FRMPD4: variants seen among roughly 807,000 people sequenced by gnomAD.
FRMPD4 encodes the protein FERM and PDZ domain containing 4.
Under a neutral mutation model 94.1 loss-of-function variants are expected in FRMPD4, and 22 were observed. The ratio of observed to expected loss-of-function variants is 0.23; its 90% CI spans 0.17 to 0.33. FRMPD4 has a LOEUF of 0.33. FRMPD4 is among the 10% of genes least tolerant of loss of function. FRMPD4 has a pLI of 1.00. For missense variants in FRMPD4, 1,111 were observed against 1,339.9 expected (o/e 0.83, Z 2.67); for synonymous variants, 631 against 548.6 (o/e 1.15, Z -2.10).
chrX:12,526,682 C>T (rs2058227088), intron 2 of FRMPD4, among the ~76,000 whole-genome samples: 1 of 112,257 alleles, frequency 8.9e-6, no homozygotes, highest in East Asian at 2.8e-4. Context: ...TTAAAAGTGC[C>T]TTTGACAGCA....
intron 3 of FRMPD4, among the ~76,000 whole-genome samples, chrX:11,960,246 T>C (rs1398938375): frequency 1.8e-5 from 2 of 112,053 alleles, no homozygotes; most frequent in African/African-American, 6.5e-5. Context: ...TTCCAGCTTG[T>C]GTGTATGTGT....
intron 3 of FRMPD4, among the ~76,000 whole-genome samples, chrX:12,075,915 C>T (rs1398373753): frequency 8.9e-6 from 1 of 112,012 alleles, no homozygotes; most frequent in African/African-American, 3.2e-5. Context: ...ATGTTTTAAC[C>T]CCCACTTCTG....
chrX:12,442,514 C>G (rs2057149284), intron 1 of FRMPD4, among the ~76,000 whole-genome samples: 1 of 111,726 alleles, frequency 9.0e-6, no homozygotes, highest in African/African-American at 3.2e-5. Context: ...CAAAATGCAA[C>G]CAAAACCATA....
intron 1 of FRMPD4, among the ~76,000 whole-genome samples, chrX:12,380,035 A>G (rs938269959): frequency 1.9e-4 from 21 of 111,641 alleles, no homozygotes; most frequent in African/African-American, 6.5e-4. Context: ...TTAGCTTCTA[A>G]TGGATTCCAC....
At chrX:11,924,590 T>G (rs371947922) in intron 3 of FRMPD4, among the ~76,000 whole-genome samples, 29 of 112,207 alleles carry the variant, frequency 2.6e-4, no homozygotes, top group African/African-American at 9.4e-4. Context: ...CAGGAGAGAT[T>G]GTGGGCAAAT....
intron 4 of FRMPD4, among the ~76,000 whole-genome samples, chrX:12,617,910 G>A (rs2059250390): frequency 9.1e-6 from 1 of 110,411 alleles, no homozygotes; most frequent in South Asian, 3.9e-4. Context: ...TTTTTTTCTT[G>A]AGAAAATGAA....
At chrX:12,532,997 C>T (rs908528869) in intron 2 of FRMPD4, among the ~76,000 whole-genome samples, 1 of 111,814 alleles carries the variant, frequency 8.9e-6, no homozygotes, top group Non-Finnish European at 1.9e-5. Context: ...CATTTACAAA[C>T]GTTGTTCTTA....
intron 2 of FRMPD4, among the ~76,000 whole-genome samples, chrX:12,516,445 C>T (rs1218346697): frequency 8.9e-6 from 1 of 112,000 alleles, no homozygotes; most frequent in Non-Finnish European, 1.9e-5. Flanking sequence ...TTTTATTTCT[C>T]CTTCACTTAT....
chrX:12,351,494 T>G (rs1456993606), intron 1 of FRMPD4, among the ~76,000 whole-genome samples: 1 of 112,417 alleles, frequency 8.9e-6, no homozygotes, highest in Non-Finnish European at 1.9e-5. Context: ...TATGGAACAT[T>G]TTAAAGTAAA....
chrX:12,718,013 G>A lies in FRMPD4; in HGVS notation c.3187G>A (p.Gly1063Ser). The A allele has an allele frequency of 8.3e-7, 1 of 1,211,773 alleles. No homozygotes were observed. ...KTAEMEEEAS[G>S]KFGTVSSRDS... ...GGCAGAGATGGAGGAGGAGGCCAGT[G>A]GTAAATTTGGTACTGTGTCTTCACG... The change falls in exon 16 of 17, where the codon GGT becomes AGT. Residue 1063 changes from glycine to serine, a missense_variant. Physicochemically the swap from Gly to Ser is moderately conservative, Grantham distance 56. Around this residue, in one of 8 missense-constraint regions of FRMPD4, gnomAD observed 551 missense variants for 591.6 expected, o/e 0.93. Coordinates refer to ENST00000675598, the MANE Select transcript of FRMPD4 (RefSeq NM_001368397.1).
intron 3 of FRMPD4, among the ~76,000 whole-genome samples, chrX:12,059,210 A>C (rs2054871400): frequency 1.8e-5 from 2 of 111,893 alleles, no homozygotes; most frequent in Non-Finnish European, 3.8e-5. Flanking sequence ...GTTAGATCTA[A>C]ATCCTTACTA....
chrX:12,272,944 G>A (rs1418011294), intron 1 of FRMPD4, among the ~76,000 whole-genome samples: 3 of 110,332 alleles, frequency 2.7e-5, no homozygotes, highest in African/African-American at 6.6e-5. Context: ...AGGCATGGTG[G>A]TGCATGCCTA....
At chrX:12,602,710 T>C (rs1307275157) in intron 2 of FRMPD4, among the ~76,000 whole-genome samples, 10 of 111,937 alleles carry the variant, frequency 8.9e-5, no homozygotes, top group Non-Finnish European at 1.9e-4. Flanking sequence ...GCTTGGGGGC[T>C]GGGCAGCTCT....
chrX:11,919,649 T>C (rs1281658935), intron 3 of FRMPD4, among the ~76,000 whole-genome samples: 1 of 111,460 alleles, frequency 9.0e-6, no homozygotes, highest in East Asian at 2.8e-4. Context: ...GGAAAAAGGC[T>C]CCCCAAATCA....
chrX:12,090,685 G>A (rs1039830436), intron 3 of FRMPD4, among the ~76,000 whole-genome samples: 1 of 111,597 alleles, frequency 9.0e-6, no homozygotes, highest in Non-Finnish European at 1.9e-5. Context: ...GTTTAAAAAC[G>A]AGATAAGGAA....
intron 1 of FRMPD4, among the ~76,000 whole-genome samples, chrX:11,839,817 G>C (rs6640789): frequency 0.1 from 11,436 of 109,882 alleles, 1,008 homozygotes; most frequent in African/African-American, 0.28. Context: ...TGTTGTAAAG[G>C]CTGTTTTTTC....
At position 12,554,974 on chromosome X, in the gene FRMPD4, C is replaced by A. The variant is rs183389810; in HGVS notation, c.159-54747C>A. ...TCGGAAGGGTCCTGCTCTGGGGGGC[C>A]GTAGGTCCCAACCCATCTCACCCCC... On this transcript the variant is annotated intron_variant, in intron 2 of 16. Coordinates refer to ENST00000675598, the MANE Select transcript of FRMPD4 (RefSeq NM_001368397.1). Among the ~76,000 whole-genome samples the A allele has an allele frequency of 1.0e-3, 116 of 111,274 alleles. 1 individual carries two copies. The highest frequency in any genetic ancestry group is 3.6e-3 in the African/African-American group (111 of 30,677).
intron 1 of FRMPD4, among the ~76,000 whole-genome samples, chrX:12,371,975 A>AT (rs1442179984): frequency 8.9e-6 from 1 of 112,259 alleles, no homozygotes; most frequent in Non-Finnish European, 1.9e-5. Flanking sequence ...TACCAAAAAA[A>AT]TTGTTTCTCT....
At chrX:11,984,927 A>G (rs946704463) in intron 3 of FRMPD4, among the ~76,000 whole-genome samples, 1 of 112,243 alleles carries the variant, frequency 8.9e-6, no homozygotes, top group African/African-American at 3.2e-5. Flanking sequence ...ACCAACAAAC[A>G]CAAGAAAAGA....
Sources: gnomAD v4.1 joint callset for allele counts (sites outside exome capture counted in the v4.1 genomes callset) on GRCh38, gnomAD v4.1.1 for gene constraint, gnomAD v4.1.1 regional missense constraint, MANE v1.5 for transcripts, NCBI Gene and HGNC (gene_info 2026-07-23, HGNC 2026-07-21) for gene names.